Variants in RAD21 observed in about 807,000 individuals in gnomAD.
RAD21 encodes RAD21 cohesin complex component.
In RAD21, 18 loss-of-function variants were observed where a neutral mutation model predicts 71.5. The ratio of observed to expected loss-of-function variants is 0.25; its 90% CI spans 0.17 to 0.37. RAD21 has a LOEUF of 0.37. RAD21 is among the 10% of genes least tolerant of loss of function. The probability of loss-of-function intolerance (pLI) is 1.00; values close to 1 mark genes in which losing one functional copy is unlikely to be tolerated. For missense variants in RAD21, 493 were observed against 769.1 expected, an observed-to-expected ratio of 0.64 and a Z score of 4.25; for synonymous variants, 248 against 254.0, an observed-to-expected ratio of 0.98 and a Z score of 0.22.
rs1812273135 is a variant in RAD21, at chr8:116,847,616, C to T, written c.1780G>A (p.Ala594Thr). Residue 594 changes from alanine to threonine, a missense_variant, in exon 14 of 14, where the codon GCC becomes ACC. Around this residue, in one of 5 missense-constraint regions of RAD21, gnomAD observed 34 missense variants for 59.9 expected, o/e 0.57. Transcript: ENST00000297338. Reference protein sequence around the residue: ...LCRNTNRKQAAAKFYSFLVLK... With the variant: ...LCRNTNRKQATAKFYSFLVLK... ...ACCAAGAAGCTGTAGAACTTTGCGG[C>T]AGCTTGTTTTCTGTTCGTATTTCGA... 1 of 1,614,084 alleles carries T rather than the reference C, an allele frequency of 6.2e-7. No individual in the cohort carries two copies. The highest frequency in any genetic ancestry group is 8.5e-7 in the Non-Finnish European group (1 of 1,179,978).
rs1413139348 is a variant in RAD21 at position 116,846,991 on chromosome 8, C to G, written c.*509G>C. 1 of 218,254 alleles carries G rather than the reference C, an allele frequency of 4.6e-6. No homozygotes were observed. The highest frequency in any genetic ancestry group is 5.8e-5 in the Admixed American group (1 of 17,260). The allele number at this position is 218,254 out of a possible 1,614,324, so 13.5% of individuals were successfully genotyped here. A position where few individuals can be genotyped will look rare whatever the true frequency, so the allele number is the denominator to read the frequency against. Reference sequence around the variant, plus strand: ...TTAAAACGAATCTCAAGAGGGTGACCATTGTTGTTTCAGATACCATCCCTA... The same window carrying G: ...TTAAAACGAATCTCAAGAGGGTGACGATTGTTGTTTCAGATACCATCCCTA... On this transcript the variant is annotated 3_prime_UTR_variant, in exon 14 of 14. Transcript: ENST00000297338.
chr8:116,874,738 G>T lies in RAD21; in HGVS notation c.-160C>A, dbSNP rs1205607877. ...CCGAGCAGCTCCCGCCGCCGCCACA[G>T]CCGGCGCCTCCTTTCCGATTCACTC... On this transcript the variant is annotated 5_prime_UTR_variant, in exon 1 of 14. In the 5' UTR this introduces an upstream ATG that the reference lacks. Transcript: ENST00000297338. The T allele has an allele frequency of 2.6e-5, 12 of 454,272 alleles. No individual in the cohort carries two copies. The allele number at this position is 454,272 out of a possible 1,614,324, so 28.1% of individuals were successfully genotyped here. A position where few individuals can be genotyped will look rare whatever the true frequency, so the allele number is the denominator to read the frequency against.
chr8:116,874,025 A>G (rs1812904704), intron 1 of RAD21: 1 of 152,384 alleles, frequency 6.6e-6, no homozygotes, highest in Non-Finnish European at 1.5e-5. Flanking sequence ...TTAAAACGGG[A>G]GGGCAGCAGC....
chr8:116,854,545 C>CTATAT, intron 8 of RAD21, 77 bp from the exon 9 acceptor site: 1 of 1,058,434 alleles, frequency 9.4e-7, no homozygotes, highest in Non-Finnish European at 1.4e-6. Context: ...TCTGGACTGA[C>CTATAT]TATATTCCCC....
Position 116,847,686 on chromosome 8 carries a change from A to G in RAD21, c.1710T>C (p.Ala570=). Residue 570 remains alanine (A), a synonymous_variant, in exon 14 of 14, where the codon GCT becomes GCC. Coordinates refer to ENST00000297338, the MANE Select transcript of RAD21 (RefSeq NM_006265.3). ...TAGATTCAGCTCCAGTTTTAGCAAGAGCACGCTGAAATAAAACCAAAAAAG... is the reference window on the plus strand; with the variant it reads ...TAGATTCAGCTCCAGTTTTAGCAAGGGCACGCTGAAATAAAACCAAAAAAG... ...TQQMLHGLQR[A]LAKTGAESIS... The G allele has an allele frequency of 1.2e-6, 2 of 1,611,714 alleles. No individual in the cohort carries two copies. The highest frequency in any genetic ancestry group is 1.3e-5 in the African/African-American group (1 of 74,784).
At chr8:116,872,187 T>C (rs981937612) in intron 1 of RAD21, among the ~76,000 whole-genome samples, 9 of 152,304 alleles carry the variant, frequency 5.9e-5, no homozygotes, top group African/African-American at 1.9e-4. Context: ...TTGAAGTATA[T>C]GGGATGTTAG....
intron 2 of RAD21, among the ~76,000 whole-genome samples, chr8:116,863,687 C>T (rs1478463896): frequency 2.0e-5 from 3 of 152,018 alleles, no homozygotes; most frequent in Non-Finnish European, 2.9e-5. Context: ...GTGAAGTATG[C>T]CAGAGAGTTT....
intron 9 of RAD21, among the ~76,000 whole-genome samples, chr8:116,853,154 T>C (rs866261286): frequency 6.6e-6 from 1 of 152,098 alleles, no homozygotes; most frequent in African/African-American, 2.4e-5. Flanking sequence ...TCTCAGCTCA[T>C]TGCAACCTCC....
chr8:116,873,568 T>C (rs1812887003), intron 1 of RAD21, among the ~76,000 whole-genome samples: 1 of 152,142 alleles, frequency 6.6e-6, no homozygotes, highest in Non-Finnish European at 1.5e-5. Flanking sequence ...ACAACAAAGA[T>C]TAACTTTCCC....
In RAD21 at chr8:116,851,978, A is replaced by G. The variant is rs1050838; in HGVS notation, c.1440T>C (p.Ala480=). The change falls in exon 11 of 14, where the codon GCT becomes GCC. Residue 480 remains alanine (A), a synonymous_variant. Transcript: ENST00000297338. ...TCACAGGCTCTGGGTCAATTTGTCCAGCTTTTCGCTTAACTCCCTGAGGTG... is the reference window on the plus strand; with the variant it reads ...TCACAGGCTCTGGGTCAATTTGTCCGGCTTTTCGCTTAACTCCCTGAGGTG... ...PPPPQGVKRK[A]GQIDPEPVMP... is the part of the protein sequence containing the mutation. 266,718 of 1,609,546 alleles carry G rather than the reference A, an allele frequency of 0.17. 23,475 individuals are homozygous for G. The highest frequency in any genetic ancestry group is 0.24 in the Admixed American group (14,354 of 59,914).
Position 116,848,877 on chromosome 8 carries a change from T to C in RAD21, c.1704+69A>G, listed in dbSNP as rs748266337. The C allele has an allele frequency of 3.0e-6, 4 of 1,319,146 alleles. 1 individual carries two copies. The highest frequency in any genetic ancestry group is 3.2e-5 in the South Asian group (2 of 63,118). The allele number at this position is 1,319,146 out of a possible 1,614,324, so 81.7% of individuals were successfully genotyped here. On this transcript the variant is annotated intron_variant, in intron 13 of 13. Coordinates refer to ENST00000297338, the MANE Select transcript of RAD21 (RefSeq NM_006265.3). ...CTTTCTGTTTCCAGCATCTAACTTT[T>C]TTTTTTTCAGGGAACAATGGCAAAA...
At chr8:116,850,927 C>G (rs1812337026) in intron 11 of RAD21, 160 bp from the exon 12 acceptor site, 12 of 440,946 alleles carry the variant, frequency 2.7e-5, no homozygotes, top group Non-Finnish European at 4.8e-5. Context: ...CAGTATATAT[C>G]TTTTTTGATT....
Position 116,866,643 on chromosome 8 carries a change from T to TTTGGTTAGCTTCTTATTCAA in RAD21, c.86_87insTTGAATAAGAAGCTAACCAA (p.Lys29AsnfsTer2). 6.2e-7 allele frequency: 1 copy of TTTGGTTAGCTTCTTATTCAA among 1,613,556 alleles called. No homozygotes were observed. ...CTAAATTACACTCGAACACATGGGC[T>TTTGGTTAGCTTCTTATTCAA]TTGGTTAGCTTCTTATCCCAATGGG... On this transcript the variant is annotated stop_gained and frameshift_variant, in exon 2 of 14. Transcript: ENST00000297338. LOFTEE classifies it high-confidence loss of function.
intron 10 of RAD21, 188 bp from the exon 11 acceptor site, chr8:116,852,284 A>T: frequency 1.5e-6 from 1 of 659,942 alleles, no homozygotes; most frequent in Non-Finnish European, 2.4e-6. Context: ...GGGAAAGGGG[A>T]TCTTAAAAGG....
intron 12 of RAD21, among the ~76,000 whole-genome samples, chr8:116,850,161 T>A (rs1010596889): frequency 6.6e-6 from 1 of 152,138 alleles, no homozygotes; most frequent in African/African-American, 2.4e-5. Context: ...AGTCTAAGTG[T>A]TTTAGCAAAG....
intron 2 of RAD21, among the ~76,000 whole-genome samples, chr8:116,864,918 C>T (rs1010495687): frequency 2.0e-5 from 3 of 152,044 alleles, no homozygotes; most frequent in African/African-American, 7.2e-5. Flanking sequence ...AGTGGTTCTT[C>T]CAGTGGGGGA....
intron 1 of RAD21, among the ~76,000 whole-genome samples, chr8:116,867,952 T>TCC (rs1812731482): frequency 6.6e-6 from 1 of 152,202 alleles, no homozygotes; most frequent in Non-Finnish European, 1.5e-5. Flanking sequence ...ACACAGCTAT[T>TCC]CCATCACTAC....
chr8:116,850,873 C>G (rs1812335579), intron 11 of RAD21, 106 bp from the exon 12 acceptor site: 1 of 735,046 alleles, frequency 1.4e-6, no homozygotes. Context: ...AAAAGAAATA[C>G]TGAGATTATA....
chr8:116,870,289 G>A (rs1019862162), intron 1 of RAD21, among the ~76,000 whole-genome samples: 2 of 152,154 alleles, frequency 1.3e-5, no homozygotes, highest in African/African-American at 4.8e-5. Context: ...CCCTTTGGGA[G>A]GCCAAGGTAA....
Sources: gnomAD v4.1 joint callset for allele counts (sites outside exome capture counted in the v4.1 genomes callset) on GRCh38, gnomAD v4.1.1 for gene constraint, gnomAD v4.1.1 regional missense constraint, MANE v1.5 for transcripts, NCBI Gene and HGNC (gene_info 2026-07-23, HGNC 2026-07-21) for gene names.